Variants in AHDC1 observed in about 807,000 individuals in gnomAD.
AHDC1 encodes AT-hook DNA binding motif containing 1.
AHDC1 carries 7 observed loss-of-function variants against 87.9 expected under a neutral mutation model. That is an observed-to-expected ratio of 0.08 (90% CI 0.05 to 0.15). The LOEUF is 0.15. Among genes scored for constraint, AHDC1 ranks in the 10% least tolerant of loss-of-function variants. The probability of loss-of-function intolerance (pLI) is 1.00; values close to 1 mark genes in which losing one functional copy is unlikely to be tolerated. For missense variants in AHDC1, 1,841 were observed against 2,253.2 expected (o/e 0.82, Z 3.70); for synonymous variants, 1,051 against 1,006.8 (o/e 1.04, Z -0.83).
At chr1:27,603,356 C>T in intron 3 of AHDC1, 41 bp downstream of exon 3, 1 of 152,456 alleles carries the variant, frequency 6.6e-6, no homozygotes, top group Non-Finnish European at 1.5e-5. Flanking sequence ...GCCGGCCGGT[C>T]CCCAGCGGGG....
chr1:27,592,321 G>C (rs1386902441), intron 3 of AHDC1, among the ~76,000 whole-genome samples: 1 of 151,766 alleles, frequency 6.6e-6, no homozygotes, highest in African/African-American at 2.4e-5. Flanking sequence ...CCTCGCACCC[G>C]CACCACCTGT....
rs900593705 is a variant in AHDC1 at position 27,562,592 on chromosome 1, G to T, written c.-628-3709C>A. On this transcript the variant is annotated intron_variant, in intron 3 of 8. Coordinates refer to ENST00000673934, the MANE Select transcript of AHDC1 (RefSeq NM_001371928.1). This position sits in a 1 kb window ranked among gnomAD's most constrained non-coding sequence, Gnocchi z 4.4. ...GCTGGGTCCCTCCCCCTGGGGAACA[G>T]TCCCACGGGCTGACATATGGGTGAG... is the stretch of plus-strand genomic sequence containing the variant. 6.6e-6 allele frequency among the ~76,000 whole-genome samples: 1 copy of T among 152,146 alleles called. No individual in the cohort carries two copies. Among genetic ancestry groups the T allele is most frequent in the African/African-American group, 2.4e-5 (1 of 41,422 alleles).
At chr1:27,537,309 A>G (rs1265703798) in intron 8 of AHDC1, among the ~76,000 whole-genome samples, 1 of 152,176 alleles carries the variant, frequency 6.6e-6, no homozygotes, top group African/African-American at 2.4e-5. Flanking sequence ...TGTCTTTGAG[A>G]GGCTCACAGA....
Position 27,550,355 on chromosome 1 carries a change from T to C in AHDC1, c.1761A>G (p.Arg587=), listed in dbSNP as rs752023520. 4.3e-6 allele frequency: 7 copies of C among 1,613,840 alleles called. No individual in the cohort carries two copies. Among genetic ancestry groups the C allele is most frequent in the East Asian group, 4.5e-5 (2 of 44,890 alleles). ...ATMAMPEVKK[R]RRRKQKLASP... ...ATGCCAGCTTCTGCTTCCGCCGCCG[T>C]CGTTTTTTTACCTCTGGCATGGCCA... The change falls in exon 8 of 9, where the codon CGA becomes CGG. Residue 587 remains arginine (R), a synonymous_variant. Coordinates refer to ENST00000673934, the MANE Select transcript of AHDC1 (RefSeq NM_001371928.1).
chr1:27,581,155 G>A (rs2088896842), intron 3 of AHDC1, among the ~76,000 whole-genome samples: 1 of 151,182 alleles, frequency 6.6e-6, no homozygotes, highest in African/African-American at 2.4e-5. Flanking sequence ...TTTGAGACAG[G>A]GTCTCGCTCT....
chr1:27,543,741 G>A (rs984558119), intron 8 of AHDC1, among the ~76,000 whole-genome samples: 1 of 152,094 alleles, frequency 6.6e-6, no homozygotes, highest in Non-Finnish European at 1.5e-5. Context: ...TCAGGAGTTC[G>A]AGAACAGCCT....
intron 3 of AHDC1, among the ~76,000 whole-genome samples, chr1:27,586,051 T>C (rs574100895): frequency 1.3e-5 from 2 of 152,302 alleles, no homozygotes; most frequent in South Asian, 4.1e-4. Flanking sequence ...GTCTGGGCAC[T>C]GGGGTGGGGG....
intron 3 of AHDC1, among the ~76,000 whole-genome samples, chr1:27,597,622 C>T (rs888608056): frequency 1.3e-5 from 2 of 152,052 alleles, no homozygotes; most frequent in Admixed American, 1.3e-4. Context: ...TCTCCCTGAC[C>T]TCTTTAGCAG....
rs777395837 is a variant in AHDC1 at position 27,549,979 on chromosome 1, C to T, written c.2137G>A (p.Gly713Arg). 6.9e-6 allele frequency: 11 copies of T among 1,604,206 alleles called. No homozygotes were observed. The highest frequency in any genetic ancestry group is 2.7e-5 in the African/African-American group (2 of 74,578). The change falls in exon 8 of 9, where the codon GGG (glycine) becomes AGG (arginine). Residue 713 changes from glycine to arginine, a missense_variant. By Grantham distance (125) the Gly-to-Arg change is moderately radical. Transcript: ENST00000673934. Reference protein sequence around the residue: ...KVVAVAAAGVGGPGLTELGHP... With the variant: ...KVVAVAAAGVRGPGLTELGHP... ...CCCAACTCAGTAAGGCCCGGGCCCCCGACCCCAGCGGCTGCCACGGCCACC... is the reference window on the plus strand; with the variant it reads ...CCCAACTCAGTAAGGCCCGGGCCCCTGACCCCAGCGGCTGCCACGGCCACC...
intron 8 of AHDC1, among the ~76,000 whole-genome samples, chr1:27,538,897 G>C (rs1218532960): frequency 6.6e-6 from 1 of 152,102 alleles, no homozygotes; most frequent in Admixed American, 6.5e-5. Context: ...CAAAGACAAA[G>C]GGTCACAGGC....
intron 3 of AHDC1, among the ~76,000 whole-genome samples, chr1:27,588,458 A>G (rs1190388451): frequency 3.9e-5 from 6 of 152,222 alleles, no homozygotes; most frequent in Non-Finnish European, 7.3e-5. Context: ...CCTGCTGACT[A>G]AACAGAGGAA....
intron 8 of AHDC1, among the ~76,000 whole-genome samples, chr1:27,538,452 G>A (rs6677211): frequency 0.028 from 4,191 of 149,378 alleles, 204 homozygotes; most frequent in African/African-American, 0.097. Flanking sequence ...AATTTGAGAG[G>A]CTGATTTCCT....
intron 3 of AHDC1, among the ~76,000 whole-genome samples, chr1:27,599,350 C>G (rs1166425509): frequency 6.6e-6 from 1 of 152,088 alleles, no homozygotes; most frequent in Non-Finnish European, 1.5e-5. Flanking sequence ...TCACTGTTTC[C>G]CCTCCTCTCT....
At position 27,549,512 on chromosome 1, in the gene AHDC1, C is replaced by T. The variant is rs770749608; in HGVS notation, c.2604G>A (p.Ser868=). 4.3e-6 allele frequency: 7 copies of T among 1,613,110 alleles called. No homozygotes were observed. The highest frequency in any genetic ancestry group is 2.2e-5 in the East Asian group (1 of 44,882). Residue 868 remains serine, a synonymous_variant, in exon 8 of 9, where the codon TCG becomes TCA. Coordinates refer to ENST00000673934, the MANE Select transcript of AHDC1 (RefSeq NM_001371928.1). Reference sequence around the variant, plus strand: ...TGGTGGGTGGCCCTGCATAGGTGCCCGATGCCTTCCGGGACTCTGGGCGAG... The same window carrying T: ...TGGTGGGTGGCCCTGCATAGGTGCCTGATGCCTTCCGGGACTCTGGGCGAG... The part of the protein sequence containing the change: ...SASRPESRKA[S]GTYAGPPTSA...
At chr1:27,564,987 G>A (rs372588677) in intron 3 of AHDC1, among the ~76,000 whole-genome samples, 2 of 152,262 alleles carry the variant, frequency 1.3e-5, no homozygotes, top group East Asian at 1.9e-4. Context: ...TCCTGGCCAC[G>A]GACAGCCTCA....
At chr1:27,594,021 A>G (rs1370871504) in intron 3 of AHDC1, among the ~76,000 whole-genome samples, 2 of 152,080 alleles carry the variant, frequency 1.3e-5, no homozygotes, top group Non-Finnish European at 2.9e-5. Flanking sequence ...GCTGTGAGCA[A>G]TACCCAGAGC....
intron 8 of AHDC1, among the ~76,000 whole-genome samples, chr1:27,546,347 A>G (rs2019167762): frequency 6.6e-6 from 1 of 152,144 alleles, no homozygotes; most frequent in Non-Finnish European, 1.5e-5. Context: ...TCCTTTTTTA[A>G]AACACCAAAT....
In AHDC1 at chr1:27,560,626, G is replaced by A. The variant is rs926774414; in HGVS notation, c.-628-1743C>T. Reference sequence around the variant, plus strand: ...TTTCACCATGGGTCAGTATGTGCTCGTGTGTGTGTCCATGCATGTGTGGAT... The same window carrying A: ...TTTCACCATGGGTCAGTATGTGCTCATGTGTGTGTCCATGCATGTGTGGAT... On this transcript the variant is annotated intron_variant, in intron 3 of 8. Transcript: ENST00000673934. This position sits in a 1 kb window ranked among gnomAD's most constrained non-coding sequence, Gnocchi z 4.1. Among the ~76,000 whole-genome samples the A allele has an allele frequency of 2.6e-5, 4 of 152,062 alleles. No homozygotes were observed. Among genetic ancestry groups the A allele is most frequent in the African/African-American group, 7.2e-5 (3 of 41,388 alleles).
chr1:27,551,540 C>A lies in AHDC1; in HGVS notation c.576G>T (p.Arg192=). The stretch of plus-strand genomic sequence containing the variant: ...CAGGCTCGTAGAGGGGATGGCTGGG[C>A]CGCTCCGACTTGGCGTGTGGGGTGG... ...ERATPHAKSE[R]PSHPLYEPEP... The change falls in exon 8 of 9, where the codon CGG becomes CGT. Residue 192 remains arginine, a synonymous_variant. Coordinates refer to ENST00000673934, the MANE Select transcript of AHDC1 (RefSeq NM_001371928.1). 1 of 1,605,104 alleles carries A rather than the reference C, an allele frequency of 6.2e-7. No homozygotes were observed. The highest frequency in any genetic ancestry group is 8.5e-7 in the Non-Finnish European group (1 of 1,175,100).
Sources: gnomAD v4.1 joint callset for allele counts (sites outside exome capture counted in the v4.1 genomes callset) on GRCh38, gnomAD v4.1.1 for gene constraint, Gnocchi (gnomAD v3.1) non-coding constraint, MANE v1.5 for transcripts, NCBI Gene and HGNC (gene_info 2026-07-23, HGNC 2026-07-21) for gene names.